Variants in ZHX3 observed in about 807,000 individuals in gnomAD.
The protein encoded by ZHX3 is zinc fingers and homeoboxes 3.
ZHX3 carries 20 observed loss-of-function variants against 64.5 expected under a neutral mutation model. The observed-to-expected ratio is 0.31, with a 90% CI of 0.22 to 0.45. The LOEUF (loss-of-function observed/expected upper bound fraction) is 0.45. Among genes scored for constraint, ZHX3 ranks in the 20% least tolerant of loss-of-function variants. ZHX3 has a pLI of 1.00. For synonymous variants in ZHX3, 423 were observed against 461.6 expected (o/e 0.92, Z 1.07); for missense variants, 1,041 against 1,195.8 (o/e 0.87, Z 1.91).
At chr20:41,209,303 T>C (rs1386552719) in intron 2 of ZHX3, among the ~76,000 whole-genome samples, 4 of 152,220 alleles carry the variant, frequency 2.6e-5, no homozygotes, top group Non-Finnish European at 5.9e-5. Flanking sequence ...CCCATCAAGC[T>C]ACCAATGACT....
At position 41,202,681 on chromosome 20, in the gene ZHX3, G is replaced by A; in HGVS notation, c.2236C>T (p.Leu746=). ...EANGRNEIPG[L]GACDPEDDES... ...TCATCCTCAGGGTCACAGGCACCCA[G>A]CCCTGGAATCTCGTTCCTGCCATTG... is the stretch of plus-strand genomic sequence containing the variant. Residue 746 remains leucine (L), a synonymous_variant, in exon 3 of 4, where the codon CTG becomes TTG. Transcript: ENST00000683867. This position sits in a 1 kb window ranked among gnomAD's most constrained non-coding sequence, Gnocchi z 7.0. The A allele has an allele frequency of 1.2e-6, 2 of 1,614,118 alleles. No individual in the cohort carries two copies. Among genetic ancestry groups the A allele is most frequent in the Non-Finnish European group, 1.7e-6 (2 of 1,180,018 alleles).
intron 2 of ZHX3, among the ~76,000 whole-genome samples, chr20:41,252,297 G>A (rs2042030574): frequency 6.6e-6 from 1 of 152,226 alleles, no homozygotes; most frequent in Non-Finnish European, 1.5e-5. Context: ...AGGGGCTAGA[G>A]AGAAGACAGT....
chr20:41,224,134 A>G lies in ZHX3; in HGVS notation c.-150-19068T>C, dbSNP rs557935169. 2.6e-5 allele frequency among the ~76,000 whole-genome samples: 4 copies of G among 152,332 alleles called. No individual in the cohort carries two copies. The highest frequency in any genetic ancestry group is 3.4e-3 in the Middle Eastern group (1 of 294). ...GGAGTGGGACAATATATGCAGTCCA[A>G]CTTCTTTCCTAATTAAAAAATCCTG... is the stretch of plus-strand genomic sequence containing the variant. On this transcript the variant is annotated intron_variant, in intron 2 of 3. Coordinates refer to ENST00000683867, the MANE Select transcript of ZHX3 (RefSeq NM_001384317.1). The surrounding 1 kb of genome is among the most constrained non-coding windows in gnomAD (Gnocchi z 5.2).
intron 3 of ZHX3, among the ~76,000 whole-genome samples, chr20:41,193,062 TC>T (rs1388192203): frequency 1.3e-5 from 2 of 152,228 alleles, no homozygotes. Context: ...TTCCGTGAAT[TC>T]CAGTGTTCTG....
At chr20:41,206,625 G>A (rs904814502) in intron 2 of ZHX3, among the ~76,000 whole-genome samples, 10 of 152,144 alleles carry the variant, frequency 6.6e-5, no homozygotes, top group Non-Finnish European at 1.3e-4. Context: ...AACGAACAAA[G>A]CCTCCAAGAA....
Position 41,185,213 on chromosome 20 carries a change from A to G in ZHX3, c.2861-12T>C, listed in dbSNP as rs1260659073. 1.6e-5 allele frequency: 25 copies of G among 1,602,510 alleles called. No individual in the cohort carries two copies. Among genetic ancestry groups the G allele is most frequent in the Admixed American group, 3.4e-5 (2 of 59,302 alleles). ...AATTCAGTCTGTTTCTGAGAAGAAA[A>G]CACATGCCTGTCACTCTACGGCAGC... is the stretch of plus-strand genomic sequence containing the variant. On this transcript the variant is annotated splice_polypyrimidine_tract_variant and intron_variant, in intron 3 of 3. Transcript: ENST00000683867. The surrounding 1 kb of genome is among the most constrained non-coding windows in gnomAD (Gnocchi z 5.0).
At chr20:41,188,340 T>C (rs2036698613) in intron 3 of ZHX3, 1 of 152,152 alleles carries the variant, frequency 6.6e-6, no homozygotes, top group Admixed American at 6.5e-5. Flanking sequence ...AATATACCTA[T>C]TGGCCATGTG....
rs367713519 is a variant in ZHX3, at chr20:41,272,973, A to G, written c.-244-3890T>C. On this transcript the variant is annotated intron_variant, in intron 1 of 3. Transcript: ENST00000683867. Reference sequence around the variant, plus strand: ...TACACTGTTTCCCACAGTGGCTTCAACATTTTACATTCCCACCAGCAAAGT... The same window carrying G: ...TACACTGTTTCCCACAGTGGCTTCAGCATTTTACATTCCCACCAGCAAAGT... Among the ~76,000 whole-genome samples the G allele has an allele frequency of 3.3e-5, 5 of 152,156 alleles. No individual in the cohort carries two copies. In the East Asian group the frequency reaches 7.7e-4, roughly 23 times the overall value.
intron 2 of ZHX3, among the ~76,000 whole-genome samples, chr20:41,265,647 CAG>C (rs2042807285): frequency 6.6e-6 from 1 of 152,148 alleles, no homozygotes; most frequent in South Asian, 2.1e-4. Flanking sequence ...CAAATTGTCT[CAG>C]AGTCTCTGAG....
intron 3 of ZHX3, chr20:41,188,588 A>C (rs2036737628): frequency 6.6e-6 from 1 of 152,000 alleles, no homozygotes. Context: ...TTTTGTAGAG[A>C]TGGGGTTTCA....
chr20:41,189,514 G>A (rs2036820689), intron 3 of ZHX3, among the ~76,000 whole-genome samples: 1 of 152,056 alleles, frequency 6.6e-6, no homozygotes, highest in South Asian at 2.1e-4. Context: ...TCTTTCATCA[G>A]TGTTTTACAG....
chr20:41,227,907 C>T (rs1216569326), intron 2 of ZHX3, among the ~76,000 whole-genome samples: 2 of 152,156 alleles, frequency 1.3e-5, no homozygotes, highest in African/African-American at 2.4e-5. Context: ...GATCCCCTAA[C>T]TGGCCTCTCC....
chr20:41,235,749 T>C (rs1007861125), intron 2 of ZHX3, among the ~76,000 whole-genome samples: 2 of 152,064 alleles, frequency 1.3e-5, no homozygotes, highest in African/African-American at 4.8e-5. Flanking sequence ...CTATTCAACA[T>C]AGTGTTGGAA....
chr20:41,315,213 C>T (rs1034107949), intron 1 of ZHX3, among the ~76,000 whole-genome samples: 6 of 152,188 alleles, frequency 3.9e-5, no homozygotes, highest in African/African-American at 1.4e-4. Context: ...GACAGAGTCT[C>T]GCTCTGTCTC....
At chr20:41,261,558 C>T (rs749324590) in intron 2 of ZHX3, among the ~76,000 whole-genome samples, 10 of 152,316 alleles carry the variant, frequency 6.6e-5, no homozygotes, top group South Asian at 2.1e-4. Context: ...ATCTCCTCTA[C>T]TTCTTTCTCT....
At position 41,203,943 on chromosome 20, in the gene ZHX3, T is replaced by C. The variant is rs762162952; in HGVS notation, c.974A>G (p.Lys325Arg). 1.2e-6 allele frequency: 2 copies of C among 1,614,078 alleles called. No homozygotes were observed. The highest frequency in any genetic ancestry group is 2.2e-5 in the East Asian group (1 of 44,890). The change falls in exon 3 of 4, where the codon AAG becomes AGG. Residue 325 changes from lysine (K) to arginine (R), a missense_variant. Lys to Arg is a conservative substitution (Grantham distance 26, BLOSUM62 2). Around this residue, in one of 4 missense-constraint regions of ZHX3, gnomAD observed 28 missense variants for 66.7 expected, o/e 0.42. Coordinates refer to ENST00000683867, the MANE Select transcript of ZHX3 (RefSeq NM_001384317.1). The surrounding 1 kb of genome is among the most constrained non-coding windows in gnomAD (Gnocchi z 7.1). ...SNSFLKNSFH[K>R]FPYPTKAELC... ...CTCGGCTTTGGTGGGGTAGGGGAACTTGTGGAAGGAGTTCTTCAGGAAGCT... is the reference window on the plus strand; with the variant it reads ...CTCGGCTTTGGTGGGGTAGGGGAACCTGTGGAAGGAGTTCTTCAGGAAGCT...
At chr20:41,261,579 T>G (rs2042563929) in intron 2 of ZHX3, among the ~76,000 whole-genome samples, 1 of 152,204 alleles carries the variant, frequency 6.6e-6, no homozygotes, top group African/African-American at 2.4e-5. Flanking sequence ...AGCATGGATG[T>G]GGCATTTGGG....
At chr20:41,285,356 T>C (rs6072328) in intron 1 of ZHX3, among the ~76,000 whole-genome samples, 60,347 of 151,998 alleles carry the variant, frequency 0.4, 12,435 homozygotes, top group East Asian at 0.75. Flanking sequence ...AGGCTAAATA[T>C]TCAGATTCCA....
chr20:41,268,408 A>G (rs1412088226), intron 2 of ZHX3, among the ~76,000 whole-genome samples: 2 of 152,228 alleles, frequency 1.3e-5, no homozygotes, highest in African/African-American at 4.8e-5. Flanking sequence ...TTAGCATTAA[A>G]AAAAGTTTTC....
Sources: gnomAD v4.1 joint callset for allele counts (sites outside exome capture counted in the v4.1 genomes callset) on GRCh38, gnomAD v4.1.1 for gene constraint, gnomAD v4.1.1 regional missense constraint, Gnocchi (gnomAD v3.1) non-coding constraint, MANE v1.5 for transcripts, NCBI Gene and HGNC (gene_info 2026-07-23, HGNC 2026-07-21) for gene names.